The following SMARCA2 variants were observed in gnomAD, a reference collection of about 807,000 sequenced individuals.
SMARCA2 encodes the protein SWI/SNF related BAF chromatin remodeling complex subunit ATPase 2, also known as SWI/SNF-related matrix-associated actin-dependent regulator of chromatin subfamily A member 2.
Under a neutral mutation model 199.8 loss-of-function variants are expected in SMARCA2, and 61 were observed. The observed-to-expected ratio is 0.31, with a 90% CI of 0.25 to 0.38. The LOEUF is 0.38. Among genes scored for constraint, SMARCA2 ranks in the 10% least tolerant of loss-of-function variants. The pLI, the probability that SMARCA2 is intolerant of heterozygous loss-of-function variation, is 1.00. For missense variants in SMARCA2, 1,344 were observed against 2,012.2 expected, an observed-to-expected ratio of 0.67 and a Z score of 6.35; for synonymous variants, 935 against 732.0, an observed-to-expected ratio of 1.28 and a Z score of -4.48.
At chr9:2,067,807 G>A (rs1006210859) in intron 9 of SMARCA2, among the ~76,000 whole-genome samples, 1 of 152,132 alleles carries the variant, frequency 6.6e-6, no homozygotes, top group African/African-American at 2.4e-5. Flanking sequence ...AAATAGTTTT[G>A]GGGATTTTAA....
rs1377126490 is a variant in SMARCA2, at chr9:2,123,675, AC to A, written c.3763-43del. 3 of 1,561,960 alleles carry A rather than the reference AC, an allele frequency of 1.9e-6. No individual in the cohort carries two copies. The highest frequency in any genetic ancestry group is 2.6e-6 in the Non-Finnish European group (3 of 1,135,850). On this transcript the variant is annotated intron_variant, in intron 26 of 33. Transcript: ENST00000349721. This position sits in a 1 kb window ranked among gnomAD's most constrained non-coding sequence, Gnocchi z 4.1. ...TGTAGTGCTGGGAAGTCTGCACCAT[AC>A]AGAAGCCCTGACTTTCGGTGACCCT...
intron 29 of SMARCA2, among the ~76,000 whole-genome samples, chr9:2,178,948 C>T (rs1826816108): frequency 6.6e-6 from 1 of 152,108 alleles, no homozygotes; most frequent in South Asian, 2.1e-4. Flanking sequence ...AACAATAACA[C>T]ACATGGAAGA....
At chr9:2,187,011 A>C (rs370319294) in intron 32 of SMARCA2, among the ~76,000 whole-genome samples, 1 of 152,150 alleles carries the variant, frequency 6.6e-6, no homozygotes, top group Non-Finnish European at 1.5e-5. Context: ...ATTTCTGGCA[A>C]ATTCCCAGGG....
At position 2,187,686 on chromosome 9, in the gene SMARCA2, T is replaced by A. The variant is rs893541690; in HGVS notation, c.4594+1458T>A. Among the ~76,000 whole-genome samples the A allele has an allele frequency of 5.3e-5, 8 of 151,908 alleles. No homozygotes were observed. The South Asian group carries it at 1.2e-3, about 24-fold the overall frequency. On this transcript the variant is annotated intron_variant, in intron 32 of 33. Transcript: ENST00000349721. Reference sequence around the variant, plus strand: ...AACAAAACTCTATCTAAAAAAAAAATTTTAAATATAATTAATAAATATTTT... The same window carrying A: ...AACAAAACTCTATCTAAAAAAAAAAATTTAAATATAATTAATAAATATTTT...
intron 33 of SMARCA2, chr9:2,192,502 G>GT: frequency 1.6e-6 from 1 of 609,622 alleles, no homozygotes; most frequent in Non-Finnish European, 2.9e-6. Context: ...CTTTGCTTTG[G>GT]GGTTTTTCAG....
At chr9:2,177,831 C>T (rs1283364570) in intron 29 of SMARCA2, among the ~76,000 whole-genome samples, 1 of 152,232 alleles carries the variant, frequency 6.6e-6, no homozygotes, top group Non-Finnish European at 1.5e-5. Flanking sequence ...GGATTACAGG[C>T]ATGAGCCACC....
rs1822625726 is a variant in SMARCA2 at position 2,103,653 on chromosome 9, T to TAC, written c.3126-350_3126-349insAC. Among the ~76,000 whole-genome samples, 3 of 142,820 alleles carry TAC rather than the reference T, an allele frequency of 2.1e-5. No individual in the cohort carries two copies. The South Asian group carries it at 6.3e-4, about 30-fold the overall frequency. 93.7% of individuals were successfully genotyped at this position (142,820 alleles called of 152,430 possible). On this transcript the variant is annotated intron_variant, in intron 22 of 33. Coordinates refer to ENST00000349721, the MANE Select transcript of SMARCA2 (RefSeq NM_003070.5). ...ATACGTGTGTGTGTACGTGTGTGTG[T>TAC]GTGTGTGTGAGAGAGAGAGAGAGAG...
Position 2,192,209 on chromosome 9 carries a change from C to T in SMARCA2, c.4738-495C>T, listed in dbSNP as rs574838311. 64 of 178,676 alleles carry T rather than the reference C, an allele frequency of 3.6e-4. 1 individual carries two copies. The highest frequency in any genetic ancestry group is 6.8e-4 in the Non-Finnish European group (59 of 86,656). 11.1% of individuals were successfully genotyped at this position (178,676 alleles called of 1,614,324 possible). On this transcript the variant is annotated intron_variant, in intron 33 of 33. Transcript: ENST00000349721. Reference sequence around the variant, plus strand: ...CTTTCCAGAGGATGGTTTCCTGGCACCCACATTATTTTCTTTCTGGAAAGA... The same window carrying T: ...CTTTCCAGAGGATGGTTTCCTGGCATCCACATTATTTTCTTTCTGGAAAGA...
At chr9:2,191,198 C>G (rs1320498748) in intron 32 of SMARCA2, 68 bp from the exon 33 acceptor site, 26 of 1,469,206 alleles carry the variant, frequency 1.8e-5, no homozygotes, top group Non-Finnish European at 2.3e-5. Flanking sequence ...TGGTGATAGT[C>G]TTACCACCTA....
intron 15 of SMARCA2, 58 bp from the exon 16 acceptor site, chr9:2,083,289 A>T: frequency 1.8e-6 from 2 of 1,140,424 alleles, no homozygotes; most frequent in Non-Finnish European, 1.3e-6. Flanking sequence ...ACATCTTTTT[A>T]ACCATTGATT....
chr9:2,181,707 C>A, intron 30 of SMARCA2, 31 bp downstream of exon 30: 1 of 1,108,836 alleles, frequency 9.0e-7, no homozygotes, highest in Non-Finnish European at 1.4e-6. Context: ...CTTTATTCTT[C>A]AAGTAAATAA....
intron 29 of SMARCA2, among the ~76,000 whole-genome samples, chr9:2,176,101 G>C (rs1479352167): frequency 6.7e-6 from 1 of 150,226 alleles, no homozygotes; most frequent in Non-Finnish European, 1.5e-5. Flanking sequence ...GGCTGGTCTT[G>C]AACTCCTGAC....
At chr9:2,185,479 G>T (rs1227278507) in intron 31 of SMARCA2, among the ~76,000 whole-genome samples, 2 of 152,202 alleles carry the variant, frequency 1.3e-5, no homozygotes, top group African/African-American at 2.4e-5. Flanking sequence ...GAACATGGGT[G>T]TGCCAATGTC....
At chr9:2,077,903 G>T (rs1194233168) in intron 14 of SMARCA2, 127 bp downstream of exon 14, 31 of 788,418 alleles carry the variant, frequency 3.9e-5, no homozygotes, top group Non-Finnish European at 6.1e-5. Flanking sequence ...TTATAATACT[G>T]AGGTTCCTTT....
At chr9:2,174,041 C>T (rs962325292) in intron 29 of SMARCA2, among the ~76,000 whole-genome samples, 7 of 152,144 alleles carry the variant, frequency 4.6e-5, no homozygotes, top group Non-Finnish European at 1.0e-4. Context: ...TTATGGTGCT[C>T]AGCCAGTTAT....
intron 19 of SMARCA2, among the ~76,000 whole-genome samples, chr9:2,090,254 A>G (rs533267101): frequency 1.5e-4 from 23 of 152,334 alleles, no homozygotes; most frequent in Middle Eastern, 6.8e-3. Context: ...GATCACGAGT[A>G]TGTCTCTTGC....
At chr9:2,143,831 G>A (rs1337231638) in intron 27 of SMARCA2, among the ~76,000 whole-genome samples, 1 of 152,194 alleles carries the variant, frequency 6.6e-6, no homozygotes, top group East Asian at 1.9e-4. Context: ...AAAAAGAAGC[G>A]CAGGCTAGAG....
At position 2,191,340 on chromosome 9, in the gene SMARCA2, A is replaced by G. The variant is rs1441606230; in HGVS notation, c.4669A>G (p.Arg1557Gly). ...CCGGGACAAAGGGAAAGGCAAGAAAAGGCCAAATCGAGGAAAAGCCAAACC... is the reference window on the plus strand; with the variant it reads ...CCGGGACAAAGGGAAAGGCAAGAAAGGGCCAAATCGAGGAAAAGCCAAACC... The part of the protein sequence containing the change: ...KGRDKGKGKK[R>G]PNRGKAKPVV... The change falls in exon 33 of 34, where the codon AGG becomes GGG. Residue 1557 changes from arginine to glycine, a missense_variant. Transcript: ENST00000349721. 3.7e-6 allele frequency: 6 copies of G among 1,614,232 alleles called. No individual in the cohort carries two copies. Among genetic ancestry groups the G allele is most frequent in the Non-Finnish European group, 5.1e-6 (6 of 1,180,020 alleles).
intron 27 of SMARCA2, among the ~76,000 whole-genome samples, chr9:2,128,144 A>C (rs1823780383): frequency 6.6e-6 from 1 of 152,076 alleles, no homozygotes; most frequent in Non-Finnish European, 1.5e-5. Context: ...CCTCCTCTCC[A>C]AGATGGCATC....
Sources: allele counts gnomAD v4.1 joint callset (sites outside exome capture counted in the v4.1 genomes callset), GRCh38; gene constraint gnomAD v4.1.1; non-coding constraint Gnocchi (gnomAD v3.1); transcripts MANE v1.5; gene names NCBI Gene and HGNC (gene_info 2026-07-23, HGNC 2026-07-21).